The following MAGI2 variants were observed in gnomAD, a reference collection of about 807,000 sequenced individuals.
MAGI2 encodes membrane-associated guanylate kinase, WW and PDZ domain-containing protein 2.
A neutral mutation model predicts 133.3 loss-of-function variants in MAGI2; 35 were observed. That is an observed-to-expected ratio of 0.26 (90% CI 0.20 to 0.35). MAGI2 has a LOEUF of 0.35. Ranked by LOEUF, MAGI2 falls within the 10% of genes least tolerant of loss-of-function variation. The pLI is 1.00. For synonymous variants in MAGI2, 729 were observed against 710.6 expected (o/e 1.03, Z -0.41); for missense variants, 1,636 against 1,863.4 (o/e 0.88, Z 2.25).
At chr7:78,580,745 A>G (rs1802749607) in intron 3 of MAGI2, among the ~76,000 whole-genome samples, 1 of 152,176 alleles carries the variant, frequency 6.6e-6, no homozygotes, top group African/African-American at 2.4e-5. Flanking sequence ...GACTAAAGAG[A>G]ATGAGTTTTA....
At chr7:78,284,043 A>ACTG (rs1230381208) in intron 9 of MAGI2, among the ~76,000 whole-genome samples, 2 of 152,096 alleles carry the variant, frequency 1.3e-5, no homozygotes, top group African/African-American at 4.8e-5. Context: ...ACAAGGTGAT[A>ACTG]AATGTGTAAC....
chr7:79,325,353 T>C (rs1839610445), intron 1 of MAGI2, among the ~76,000 whole-genome samples: 1 of 152,110 alleles, frequency 6.6e-6, no homozygotes, highest in Non-Finnish European at 1.5e-5. Flanking sequence ...GAAATTTCTA[T>C]AGAAAGTGTG....
chr7:78,686,200 C>T (rs1816300490), intron 2 of MAGI2, among the ~76,000 whole-genome samples: 2 of 151,736 alleles, frequency 1.3e-5, no homozygotes, highest in African/African-American at 4.8e-5. Context: ...TCATTGTCTC[C>T]TCTCCCTTTA....
intron 6 of MAGI2, among the ~76,000 whole-genome samples, chr7:78,398,446 T>C (rs1796559705): frequency 6.6e-6 from 1 of 152,178 alleles, no homozygotes; most frequent in Non-Finnish European, 1.5e-5. Context: ...CTGTAATATC[T>C]TGGTGACCAA....
intron 6 of MAGI2, among the ~76,000 whole-genome samples, chr7:78,423,228 C>A (rs1798959770): frequency 6.6e-6 from 1 of 152,026 alleles, no homozygotes; most frequent in South Asian, 2.1e-4. Flanking sequence ...AGCGAATGAG[C>A]CTCACGAGAT....
At chr7:79,114,159 T>G (rs1048567675) in intron 1 of MAGI2, among the ~76,000 whole-genome samples, 6 of 152,166 alleles carry the variant, frequency 3.9e-5, no homozygotes, top group African/African-American at 1.4e-4. Context: ...TTCTCCAGGT[T>G]AAGTGTTACT....
At chr7:79,379,671 G>C (rs1211615458) in intron 1 of MAGI2, among the ~76,000 whole-genome samples, 1 of 151,890 alleles carries the variant, frequency 6.6e-6, no homozygotes, top group Non-Finnish European at 1.5e-5. Context: ...GAGTGAGATG[G>C]TATCTCATTG....
At chr7:78,750,420 G>A (rs2151276440) in intron 2 of MAGI2, among the ~76,000 whole-genome samples, 1 of 152,218 alleles carries the variant, frequency 6.6e-6, no homozygotes, top group East Asian at 1.9e-4. Context: ...TGGGATTGCT[G>A]GGTCAAATGG....
At chr7:79,218,444 T>G (rs1327352166) in intron 1 of MAGI2, among the ~76,000 whole-genome samples, 3 of 152,090 alleles carry the variant, frequency 2.0e-5, no homozygotes, top group African/African-American at 7.3e-5. Context: ...TTTACCAGTT[T>G]TATAGTCTAA....
At chr7:79,147,886 C>T (rs566657307) in intron 1 of MAGI2, among the ~76,000 whole-genome samples, 10 of 152,106 alleles carry the variant, frequency 6.6e-5, no homozygotes, top group Admixed American at 3.3e-4. Context: ...CAGCTCTAGC[C>T]GCAGCTTGTA....
At chr7:78,275,126 A>G (rs1040516242) in intron 9 of MAGI2, among the ~76,000 whole-genome samples, 18 of 152,202 alleles carry the variant, frequency 1.2e-4, no homozygotes, top group Admixed American at 1.0e-3. Context: ...GATGGTGGGA[A>G]AAGCACAGTA....
intron 2 of MAGI2, among the ~76,000 whole-genome samples, chr7:78,992,989 T>G (rs1805939411): frequency 6.6e-6 from 1 of 152,128 alleles, no homozygotes; most frequent in Non-Finnish European, 1.5e-5. Context: ...AATTGCTTTT[T>G]CATGTGAGAA....
At chr7:78,390,819 T>C (rs1795837838) in intron 6 of MAGI2, among the ~76,000 whole-genome samples, 1 of 152,188 alleles carries the variant, frequency 6.6e-6, no homozygotes, top group Non-Finnish European at 1.5e-5. Context: ...CTGTAATTTA[T>C]ATAAGTTATT....
At chr7:78,291,829 A>C (rs1451213528) in intron 9 of MAGI2, among the ~76,000 whole-genome samples, 1 of 139,018 alleles carries the variant, frequency 7.2e-6, no homozygotes, top group Non-Finnish European at 1.6e-5. Context: ...CAGTGACAAA[A>C]ACCATACGAT....
intron 1 of MAGI2, chr7:79,125,344 G>A (rs573095817): frequency 5.8e-4 from 276 of 471,938 alleles, no homozygotes; most frequent in African/African-American, 5.2e-3. Flanking sequence ...CTTTGGTGGT[G>A]GTTGTCAAAG....
intron 10 of MAGI2, among the ~76,000 whole-genome samples, chr7:78,203,606 G>A (rs571690388): frequency 6.6e-6 from 1 of 152,302 alleles, no homozygotes; most frequent in Admixed American, 6.5e-5. Context: ...GAGTTGTGCT[G>A]CAGAAGCTTC....
intron 1 of MAGI2, among the ~76,000 whole-genome samples, chr7:79,039,862 T>TAC (rs1811484055): frequency 6.9e-6 from 1 of 144,556 alleles, no homozygotes; most frequent in Non-Finnish European, 1.5e-5. Context: ...ATATTATATA[T>TAC]ATATAATATA....
At chr7:78,908,876 G>T (rs1798173497) in intron 2 of MAGI2, among the ~76,000 whole-genome samples, 1 of 152,056 alleles carries the variant, frequency 6.6e-6, no homozygotes, top group Non-Finnish European at 1.5e-5. Context: ...GAAAACCTAG[G>T]CAATACCATT....
At chr7:78,860,983 C>G (rs549312696) in intron 2 of MAGI2, among the ~76,000 whole-genome samples, 1 of 152,148 alleles carries the variant, frequency 6.6e-6, no homozygotes, top group African/African-American at 2.4e-5. Context: ...AGTTGCAGTT[C>G]GATCTCAGAC....
Sources: gnomAD v4.1 joint callset for allele counts (sites outside exome capture counted in the v4.1 genomes callset) on GRCh38, gnomAD v4.1.1 for gene constraint, MANE v1.5 for transcripts, NCBI Gene and HGNC (gene_info 2026-07-23, HGNC 2026-07-21) for gene names.